NBEAL1: variants seen among roughly 807,000 people sequenced by gnomAD.
NBEAL1 encodes neurobeachin like 1.
In NBEAL1, 273 loss-of-function variants were observed where a neutral mutation model predicts 351.3. That is an observed-to-expected ratio of 0.78 (90% CI 0.70 to 0.86). NBEAL1 has a LOEUF of 0.86. Among genes scored for constraint, NBEAL1 ranks in the 40% least tolerant of loss-of-function variants. The probability of loss-of-function intolerance (pLI) is 0.00; values close to 1 mark genes in which losing one functional copy is unlikely to be tolerated. For missense variants in NBEAL1, 2,961 were observed against 3,201.3 expected (o/e 0.92, Z 1.81); for synonymous variants, 1,050 against 1,086.4 (o/e 0.97, Z 0.66).
chr2:203,036,955 G>C (rs1183795612), intron 2 of NBEAL1, among the ~76,000 whole-genome samples: 1 of 149,102 alleles, frequency 6.7e-6, no homozygotes, highest in Non-Finnish European at 1.5e-5. Context: ...TTGTGTTTCT[G>C]GAGTTCTATC....
At chr2:203,184,097 AAAGAAAC>A (rs1235887288) in intron 44 of NBEAL1, among the ~76,000 whole-genome samples, 29 of 149,088 alleles carry the variant, frequency 1.9e-4, no homozygotes, top group African/African-American at 6.6e-4. Context: ...AAAAAAAAAA[AAAGAAAC>A]AAACAAAAAA....
intron 47 of NBEAL1, among the ~76,000 whole-genome samples, chr2:203,195,135 A>G (rs890603318): frequency 6.6e-6 from 1 of 151,776 alleles, no homozygotes; most frequent in Non-Finnish European, 1.5e-5. Flanking sequence ...CAGAGCTTGC[A>G]GTGAGCCGAG....
chr2:203,056,058 T>C (rs953549779), intron 4 of NBEAL1, among the ~76,000 whole-genome samples: 3 of 152,232 alleles, frequency 2.0e-5, no homozygotes, highest in African/African-American at 7.2e-5. Flanking sequence ...AGAATCTGCA[T>C]AGGGACAAAA....
chr2:203,079,945 G>A (rs1316809367), intron 8 of NBEAL1, among the ~76,000 whole-genome samples: 2 of 152,076 alleles, frequency 1.3e-5, no homozygotes, highest in Non-Finnish European at 1.5e-5. Context: ...GTTTGATAAT[G>A]TATTTATCAT....
intron 3 of NBEAL1, among the ~76,000 whole-genome samples, chr2:203,048,501 G>T (rs2061268056): frequency 1.3e-5 from 2 of 152,090 alleles, no homozygotes; most frequent in African/African-American, 4.8e-5. Context: ...GGTATTCTCT[G>T]GTTTTGGTTG....
At chr2:203,215,914 G>A (rs1446906817) in intron 55 of NBEAL1, among the ~76,000 whole-genome samples, 1 of 151,506 alleles carries the variant, frequency 6.6e-6, no homozygotes, top group Non-Finnish European at 1.5e-5. Context: ...AGGAGGCTAC[G>A]GTGGGAGGAT....
intron 7 of NBEAL1, among the ~76,000 whole-genome samples, chr2:203,072,336 A>G (rs2061696844): frequency 6.6e-6 from 1 of 151,732 alleles, no homozygotes; most frequent in Admixed American, 6.6e-5. Context: ...GATTAAGTCC[A>G]CTAGTTATAC....
intron 6 of NBEAL1, chr2:203,061,319 A>G (rs950910869): frequency 6.6e-6 from 1 of 152,134 alleles, no homozygotes; most frequent in Non-Finnish European, 1.5e-5. Context: ...ATTCCTCACA[A>G]TCCCACTATG....
rs1052020697 is a variant in NBEAL1, at chr2:203,115,998, A to C, written c.2520A>C (p.Leu840Phe). 6.4e-7 allele frequency: 1 copy of C among 1,552,440 alleles called. No individual in the cohort carries two copies. The highest frequency in any genetic ancestry group is 8.7e-7 in the Non-Finnish European group (1 of 1,146,764). The stretch of plus-strand genomic sequence containing the variant: ...AATAATTTTCAGGTCCAAATTGTTT[A>C]AGCCCTTGGAAGTGTCAAGAGTCTG... ...KALYLAGPNCLSPWKCQESDM... is the reference protein window; with the variant it reads ...KALYLAGPNCFSPWKCQESDM... The change falls in exon 18 of 56, where the codon TTA becomes TTC. Residue 840 changes from leucine (L) to phenylalanine (F), a missense_variant. Transcript: ENST00000683969.
intron 55 of NBEAL1, among the ~76,000 whole-genome samples, chr2:203,216,897 A>G (rs1165445807): frequency 6.6e-6 from 1 of 152,152 alleles, no homozygotes; most frequent in African/African-American, 2.4e-5. Context: ...TCTGCCTCTC[A>G]GGTTCAAGCA....
chr2:203,066,826 G>A (rs1265114279), intron 6 of NBEAL1, among the ~76,000 whole-genome samples: 10 of 142,478 alleles, frequency 7.0e-5, no homozygotes, highest in Admixed American at 1.4e-4. Flanking sequence ...GGTGGTTGCC[G>A]GGCAGAGGCG....
At chr2:203,162,426 A>C (rs531408951) in intron 36 of NBEAL1, among the ~76,000 whole-genome samples, 1 of 152,216 alleles carries the variant, frequency 6.6e-6, no homozygotes, top group South Asian at 2.1e-4. Context: ...ACATATGGCA[A>C]ATATTTCTTT....
chr2:203,173,399 C>A (rs2064384238), intron 41 of NBEAL1, among the ~76,000 whole-genome samples: 2 of 152,098 alleles, frequency 1.3e-5, no homozygotes, highest in Admixed American at 6.6e-5. Context: ...CCACAGGCAA[C>A]AGAATAACCT....
intron 11 of NBEAL1, among the ~76,000 whole-genome samples, chr2:203,098,090 T>C (rs916906932): frequency 2.0e-5 from 3 of 152,218 alleles, no homozygotes; most frequent in African/African-American, 7.2e-5. Context: ...GGGAAGAAGA[T>C]GCTGAACTCT....
At chr2:203,102,872 A>G (rs1472860795) in intron 12 of NBEAL1, among the ~76,000 whole-genome samples, 1 of 152,174 alleles carries the variant, frequency 6.6e-6, no homozygotes, top group East Asian at 1.9e-4. Flanking sequence ...GAAAAGTTTC[A>G]GTAGGAATGG....
intron 21 of NBEAL1, 59 bp downstream of exon 21, chr2:203,126,152 G>A (rs965994497): frequency 1.0e-5 from 15 of 1,438,090 alleles, no homozygotes; most frequent in Non-Finnish European, 1.4e-5. Flanking sequence ...AGTTGATGTT[G>A]GGATTTTTTC....
At position 203,145,011 on chromosome 2, in the gene NBEAL1, A is replaced by G; in HGVS notation, c.5155A>G (p.Ile1719Val). ...GTATCTTTTTTATTTTTTTGGTAAG[A>G]TTGTACCTTATATGAAGCAGTATGA... is the stretch of plus-strand genomic sequence containing the variant. ...NEWQVYIEKY[I>V]VPYMKQYEAH... The change falls in exon 33 of 56, where the codon ATT (isoleucine) becomes GTT (valine). Residue 1719 changes from isoleucine to valine, a missense_variant and splice_region_variant. Ile to Val is a conservative substitution (Grantham distance 29). Coordinates refer to ENST00000683969, the MANE Select transcript of NBEAL1 (RefSeq NM_001378026.1). 1 of 1,572,158 alleles carries G rather than the reference A, an allele frequency of 6.4e-7. No individual in the cohort carries two copies. Among genetic ancestry groups the G allele is most frequent in the Non-Finnish European group, 8.6e-7 (1 of 1,162,878 alleles).
intron 2 of NBEAL1, among the ~76,000 whole-genome samples, chr2:203,023,043 T>C (rs2060794814): frequency 6.6e-6 from 1 of 152,174 alleles, no homozygotes; most frequent in African/African-American, 2.4e-5. Context: ...GAAAATAGAA[T>C]TTAGAGGTGT....
Position 203,201,733 on chromosome 2 carries a change from T to C in NBEAL1, c.7411+18T>C, listed in dbSNP as rs2065405479. ...GCATATGGGTAAGCATTAGCTTTTT[T>C]TCCAAAAATGCTCAAAAATTTTCTT... On this transcript the variant is annotated intron_variant, in intron 50 of 55. Transcript: ENST00000683969. 1 of 1,545,488 alleles carries C rather than the reference T, an allele frequency of 6.5e-7. No homozygotes were observed.
Sources: gnomAD v4.1 joint callset for allele counts (sites outside exome capture counted in the v4.1 genomes callset) on GRCh38, gnomAD v4.1.1 for gene constraint, MANE v1.5 for transcripts, NCBI Gene and HGNC (gene_info 2026-07-23, HGNC 2026-07-21) for gene names.